Variants in FOCAD observed in about 807,000 individuals in gnomAD.
FOCAD encodes the protein focadhesin.
FOCAD carries 198 observed loss-of-function variants against 225.6 expected under a neutral mutation model. The ratio of observed to expected loss-of-function variants is 0.88; its 90% CI spans 0.78 to 0.99. FOCAD has a LOEUF of 0.99. FOCAD is among the 50% of genes least tolerant of loss of function. The pLI is 0.00. For missense variants in FOCAD, 2,713 were observed against 2,123.6 expected (o/e 1.28, Z -5.46); for synonymous variants, 897 against 755.0 (o/e 1.19, Z -3.08).
chr9:20,854,851 A>G (rs1369870335), intron 15 of FOCAD, among the ~76,000 whole-genome samples: 2 of 151,808 alleles, frequency 1.3e-5, no homozygotes, highest in African/African-American at 4.8e-5. Flanking sequence ...TGCCCCTACT[A>G]TTCAATGGTA....
chr9:20,786,777 A>G (rs1006686984), intron 10 of FOCAD: 1 of 156,900 alleles, frequency 6.4e-6, no homozygotes, highest in Non-Finnish European at 1.4e-5. Flanking sequence ...AAGATTCTCA[A>G]TTATTTTCTA....
rs143046233 is a variant in FOCAD, at chr9:20,981,434, C to G, written c.4386C>G (p.Thr1462=). 9.9e-5 allele frequency: 159 copies of G among 1,613,854 alleles called. No individual in the cohort carries two copies. The African/African-American group carries it at 1.9e-3, about 19-fold the overall frequency. ...TTCTGTTTTACTTCCAGCTGAATAC[C>G]AAGAGATATCTCCTGATATCTGCAC... ...PPLIHSLSLN[T]KRYLLISAPL... Residue 1462 remains threonine (T), a synonymous_variant, in exon 38 of 44, where the codon ACC becomes ACG. Coordinates refer to ENST00000338382, the MANE Select transcript of FOCAD (RefSeq NM_001375567.1).
chr9:20,955,070 G>A (rs1403299023), intron 35 of FOCAD, among the ~76,000 whole-genome samples: 1 of 152,226 alleles, frequency 6.6e-6, no homozygotes, highest in Admixed American at 6.5e-5. Context: ...TCAGAGCCCG[G>A]TGGGACTGCT....
chr9:20,736,634 C>A (rs1044322441), intron 4 of FOCAD, among the ~76,000 whole-genome samples: 1 of 152,104 alleles, frequency 6.6e-6, no homozygotes, highest in Non-Finnish European at 1.5e-5. Context: ...ACAGCGTCAT[C>A]TGAAAGAGGG....
intron 25 of FOCAD, 107 bp downstream of exon 25, chr9:20,923,875 C>G: frequency 1.3e-6 from 1 of 793,368 alleles, no homozygotes; most frequent in East Asian, 2.7e-5. Context: ...ATTATGGCAC[C>G]AAGTTATAGT....
At chr9:20,988,458 T>A (rs939911442) in intron 41 of FOCAD, 29 bp downstream of exon 41, 10 of 1,266,570 alleles carry the variant, frequency 7.9e-6, no homozygotes, top group Non-Finnish European at 1.1e-5. Context: ...GTTTATAGCT[T>A]CCTTAAAATA....
chr9:20,716,816 C>G (rs1825374164), intron 2 of FOCAD, among the ~76,000 whole-genome samples: 1 of 152,082 alleles, frequency 6.6e-6, no homozygotes, highest in South Asian at 2.1e-4. Context: ...CATTTGTGAA[C>G]TTGGGCATGA....
At chr9:20,838,339 A>T (rs1826192185) in intron 15 of FOCAD, among the ~76,000 whole-genome samples, 1 of 151,876 alleles carries the variant, frequency 6.6e-6, no homozygotes, top group Non-Finnish European at 1.5e-5. Context: ...GCCTGGTGGA[A>T]TGTATTATGC....
intron 10 of FOCAD, among the ~76,000 whole-genome samples, chr9:20,787,210 A>T (rs1820012448): frequency 6.6e-6 from 1 of 152,168 alleles, no homozygotes. Flanking sequence ...TGTTGCTTTT[A>T]CTCAACTTGA....
chr9:20,820,846 G>T lies in FOCAD; in HGVS notation c.1663-95G>T, dbSNP rs547947325. 3.7e-6 allele frequency: 5 copies of T among 1,346,622 alleles called. No individual in the cohort carries two copies. In the South Asian group the frequency reaches 5.3e-5, roughly 14 times the overall value. The allele number at this position is 1,346,622 out of a possible 1,614,324, so 83.4% of individuals were successfully genotyped here. On this transcript the variant is annotated intron_variant, in intron 13 of 43. Coordinates refer to ENST00000338382, the MANE Select transcript of FOCAD (RefSeq NM_001375567.1). ...CGACAGTATAATTTGCAATGCAAAT[G>T]GAGGATTTGGAGGTGAAAATGCTGA...
At chr9:20,728,440 G>A (rs1345016381) in intron 4 of FOCAD, among the ~76,000 whole-genome samples, 1 of 152,202 alleles carries the variant, frequency 6.6e-6, no homozygotes, top group Non-Finnish European at 1.5e-5. Flanking sequence ...TCTGTAGCCT[G>A]TCACATGGCT....
chr9:20,976,618 C>A, intron 36 of FOCAD, 70 bp downstream of exon 36: 1 of 1,501,120 alleles, frequency 6.7e-7, no homozygotes, highest in Non-Finnish European at 9.2e-7. Flanking sequence ...AAAACAGATT[C>A]TGTGTCACAA....
intron 20 of FOCAD, among the ~76,000 whole-genome samples, chr9:20,883,570 A>G (rs531654815): frequency 2.6e-5 from 4 of 152,236 alleles, no homozygotes; most frequent in Non-Finnish European, 4.4e-5. Context: ...CAATGGGATT[A>G]AGCTAGAAAT....
At chr9:20,886,273 G>A (rs1831097174) in intron 21 of FOCAD, among the ~76,000 whole-genome samples, 1 of 152,142 alleles carries the variant, frequency 6.6e-6, no homozygotes, top group South Asian at 2.1e-4. Context: ...AAGGATCTGG[G>A]AAGAGCAACG....
At chr9:20,752,590 T>C (rs1342945252) in intron 5 of FOCAD, among the ~76,000 whole-genome samples, 1 of 152,078 alleles carries the variant, frequency 6.6e-6, no homozygotes, top group Non-Finnish European at 1.5e-5. Context: ...AGTCAGGTGG[T>C]GTGATGCCTC....
chr9:20,821,018 A>G lies in FOCAD; in HGVS notation c.1740A>G (p.Gln580=), dbSNP rs755909554. The G allele has an allele frequency of 9.9e-6, 16 of 1,612,760 alleles. No individual in the cohort carries two copies. The highest frequency in any genetic ancestry group is 7.7e-5 in the South Asian group (7 of 91,064). The change falls in exon 14 of 44, where the codon CAA becomes CAG. Residue 580 remains glutamine (Q), a synonymous_variant. Transcript: ENST00000338382. ...VPSLSVGKEV[Q]WEKLIAKAAS... ...CTCTTTCGGTGGGCAAGGAAGTCCAATGGGAGAAACTGATTGCAAAAGCAG... is the reference window on the plus strand; with the variant it reads ...CTCTTTCGGTGGGCAAGGAAGTCCAGTGGGAGAAACTGATTGCAAAAGCAG...
rs529837362 is a variant in FOCAD at position 20,694,956 on chromosome 9, A to G, written c.-33+10663A>G. On this transcript the variant is annotated intron_variant, in intron 1 of 43. Transcript: ENST00000338382. ...CATGTAAGTTTCCCAAATATAATAT[A>G]ATTTGGTTACTATGTCTGTTTAGTC... Among the ~76,000 whole-genome samples the G allele has an allele frequency of 2.6e-5, 4 of 152,298 alleles. No individual in the cohort carries two copies. The South Asian group carries it at 8.3e-4, about 32-fold the overall frequency.
At chr9:20,953,204 T>G in intron 35 of FOCAD, 139 bp downstream of exon 35, 1 of 642,140 alleles carries the variant, frequency 1.6e-6, no homozygotes, top group Admixed American at 3.0e-5. Flanking sequence ...TAAACCATCT[T>G]TGCAATAGAG....
chr9:20,752,222 A>C (rs2131747403), intron 5 of FOCAD, among the ~76,000 whole-genome samples: 1 of 151,958 alleles, frequency 6.6e-6, no homozygotes, highest in South Asian at 2.1e-4. Context: ...TTTAGACATG[A>C]AGTCCTTGCC....
Sources: gnomAD v4.1 joint callset for allele counts (sites outside exome capture counted in the v4.1 genomes callset) on GRCh38, gnomAD v4.1.1 for gene constraint, MANE v1.5 for transcripts, NCBI Gene and HGNC (gene_info 2026-07-23, HGNC 2026-07-21) for gene names.